The following CLPX variants were observed in gnomAD, a reference collection of about 807,000 sequenced individuals.
CLPX encodes the protein caseinolytic mitochondrial matrix peptidase chaperone subunit X, also known as ATP-dependent clpX-like chaperone, mitochondrial.
Under a neutral mutation model 76.4 loss-of-function variants are expected in CLPX, and 34 were observed. That is an observed-to-expected ratio of 0.45 (90% CI 0.34 to 0.59). CLPX has a LOEUF of 0.59. Ranked by LOEUF, CLPX falls within the 20% of genes least tolerant of loss-of-function variation. The pLI is 0.01. For missense variants in CLPX, 613 were observed against 757.0 expected, an observed-to-expected ratio of 0.81 and a Z score of 2.23; for synonymous variants, 248 against 270.9, an observed-to-expected ratio of 0.92 and a Z score of 0.83.
At chr15:65,154,694 A>T in intron 11 of CLPX, 88 bp downstream of exon 11, 2 of 987,480 alleles carry the variant, frequency 2.0e-6, no homozygotes, top group South Asian at 3.4e-5. Context: ...AGATGAGCAG[A>T]ATTTGTTTTT....
intron 6 of CLPX, among the ~76,000 whole-genome samples, chr15:65,161,437 C>A (rs949021881): frequency 1.3e-5 from 2 of 152,028 alleles, no homozygotes; most frequent in Admixed American, 1.3e-4. Flanking sequence ...ACTTAAAATC[C>A]CATGTAAAAC....
chr15:65,152,542 G>T lies in CLPX; in HGVS notation c.1705-6C>A, dbSNP rs369530341. ...GGTTCTAGTAACAGCTTTTCCTAAA[G>T]AAATAAAAAGTAATGAATCACATTG... On this transcript the variant is annotated splice_polypyrimidine_tract_variant and splice_region_variant and intron_variant, in intron 12 of 13. Coordinates refer to ENST00000300107, the MANE Select transcript of CLPX (RefSeq NM_006660.5). The T allele has an allele frequency of 7.6e-6, 11 of 1,448,468 alleles. No homozygotes were observed. The African/African-American group carries it at 1.3e-4, about 17-fold the overall frequency. The allele number at this position is 1,448,468 out of a possible 1,614,324, so 89.7% of individuals were successfully genotyped here.
chr15:65,154,258 C>T (rs2087759958), intron 11 of CLPX, among the ~76,000 whole-genome samples: 1 of 151,938 alleles, frequency 6.6e-6, no homozygotes, highest in African/African-American at 2.4e-5. Flanking sequence ...ATGCATGGGT[C>T]AAGGTGAATA....
chr15:65,149,311 TAAAAATACA>T lies in CLPX; in HGVS notation c.*1503_*1511del, dbSNP rs1024261404. Reference sequence around the variant, plus strand: ...CAACATGGCGAAACCCCGTCTCTACTAAAAATACAAAAAATTAGCCAGGTGTGGTGGTGC... The same window carrying T: ...CAACATGGCGAAACCCCGTCTCTACTAAAAATTAGCCAGGTGTGGTGGTGC... On this transcript the variant is annotated 3_prime_UTR_variant, in exon 14 of 14. Transcript: ENST00000300107. 1 of 176,210 alleles carries T rather than the reference TAAAAATACA, an allele frequency of 5.7e-6. No individual in the cohort carries two copies. The highest frequency in any genetic ancestry group is 2.4e-5 in the African/African-American group (1 of 41,760). 10.9% of individuals were successfully genotyped at this position (176,210 alleles called of 1,614,324 possible). A position where few individuals can be genotyped will look rare whatever the true frequency, so the allele number is the denominator to read the frequency against.
At chr15:65,176,542 A>G (rs1484067361) in intron 3 of CLPX, among the ~76,000 whole-genome samples, 2 of 151,890 alleles carry the variant, frequency 1.3e-5, no homozygotes, top group Non-Finnish European at 2.9e-5. Context: ...TTTATTAAAT[A>G]TTAGTTTCTT....
At position 65,166,144 on chromosome 15, in the gene CLPX, C is replaced by T. The variant is rs142375041; in HGVS notation, c.513+487G>A. 1.7e-3 allele frequency among the ~76,000 whole-genome samples: 265 copies of T among 152,294 alleles called. 2 individuals are homozygous for T. Among genetic ancestry groups the T allele is most frequent in the African/African-American group, 6.2e-3 (257 of 41,548 alleles). ...ACACTACCAAAGCCACAGTGCTATA[C>T]GGAGCAGCCCGGCACACTGGCTATG... On this transcript the variant is annotated intron_variant, in intron 4 of 13. Transcript: ENST00000300107.
At chr15:65,158,321 CTAT>C in intron 7 of CLPX, 1 of 386,516 alleles carries the variant, frequency 2.6e-6, no homozygotes. Context: ...TACATCCGAT[CTAT>C]TATTATTTAG....
At chr15:65,180,489 T>G (rs2088151715) in intron 1 of CLPX, among the ~76,000 whole-genome samples, 1 of 152,216 alleles carries the variant, frequency 6.6e-6, no homozygotes, top group Non-Finnish European at 1.5e-5. Flanking sequence ...AAAGTTTGAA[T>G]GGACTTCAAC....
chr15:65,181,376 A>G (rs2088168744), intron 1 of CLPX, among the ~76,000 whole-genome samples: 1 of 152,182 alleles, frequency 6.6e-6, no homozygotes, highest in South Asian at 2.1e-4. Context: ...ATGGTTGCAC[A>G]GTATCAATGT....
At chr15:65,166,540 T>A in intron 4 of CLPX, 91 bp downstream of exon 4, 1 of 1,263,396 alleles carries the variant, frequency 7.9e-7, no homozygotes, top group Non-Finnish European at 1.1e-6. Flanking sequence ...GTTTATATAC[T>A]AGTATTAGGA....
Position 65,185,184 on chromosome 15 carries a change from CCT to C in CLPX, c.-33_-32del. 1 of 1,533,050 alleles carries C rather than the reference CCT, an allele frequency of 6.5e-7. No homozygotes were observed. Among genetic ancestry groups the C allele is most frequent in the Non-Finnish European group, 8.8e-7 (1 of 1,130,964 alleles). The allele number at this position is 1,533,050 out of a possible 1,614,324, so 95.0% of individuals were successfully genotyped here. A position where few individuals can be genotyped will look rare whatever the true frequency, so the allele number is the denominator to read the frequency against. ...CGAGGCCTAGGCCGGGGCTTCGCCC[CCT>C]GAGGACCTCCGGGTCACAGCGGCGT... On this transcript the variant is annotated 5_prime_UTR_variant, in exon 1 of 14. Coordinates refer to ENST00000300107, the MANE Select transcript of CLPX (RefSeq NM_006660.5).
At chr15:65,181,196 C>T (rs1161350089) in intron 1 of CLPX, among the ~76,000 whole-genome samples, 1 of 150,138 alleles carries the variant, frequency 6.7e-6, no homozygotes, top group Non-Finnish European at 1.5e-5. Flanking sequence ...GAGACTCTGT[C>T]TCAAAAAAAA....
chr15:65,184,806 C>T (rs547641037), intron 1 of CLPX, among the ~76,000 whole-genome samples: 65 of 152,380 alleles, frequency 4.3e-4, no homozygotes, highest in African/African-American at 1.5e-3. Flanking sequence ...TACAAAGTGG[C>T]CGCATTCCGG....
chr15:65,159,593 G>A (rs2087828296), intron 6 of CLPX, among the ~76,000 whole-genome samples: 1 of 151,886 alleles, frequency 6.6e-6, no homozygotes, highest in South Asian at 2.1e-4. Flanking sequence ...CTGGGCAACA[G>A]AGTAAGACTC....
At chr15:65,157,660 C>T in intron 8 of CLPX, 86 bp downstream of exon 8, 1 of 1,275,852 alleles carries the variant, frequency 7.8e-7, no homozygotes, top group African/African-American at 1.5e-5. Flanking sequence ...TAGTCCTTGA[C>T]TCAAAACAAG....
At chr15:65,160,619 T>TCA (rs1241366233) in intron 6 of CLPX, among the ~76,000 whole-genome samples, 26 of 132,736 alleles carry the variant, frequency 2.0e-4, no homozygotes, top group Middle Eastern at 3.6e-3. Flanking sequence ...TCTCTCTCTC[T>TCA]CTCTCACACA....
intron 4 of CLPX, among the ~76,000 whole-genome samples, chr15:65,164,420 T>C (rs1566981830): frequency 6.6e-6 from 1 of 152,250 alleles, no homozygotes; most frequent in Non-Finnish European, 1.5e-5. Context: ...TGTACTCTAC[T>C]AGTGTTGTGC....
chr15:65,168,499 C>A (rs1451524113), intron 3 of CLPX, among the ~76,000 whole-genome samples: 1 of 140,686 alleles, frequency 7.1e-6, no homozygotes, highest in Admixed American at 7.7e-5. Flanking sequence ...ATCGCAAGGA[C>A]AGAAAACCAA....
Position 65,155,785 on chromosome 15 carries a change from T to C in CLPX, c.1218A>G (p.Glu406=), listed in dbSNP as rs2087782669. ...TGTTTGTTGTATCAACTTGAACTGT[T>C]TCTCCACGGAGCTTTCGGGAATTCT... ...PEKNSRKLRG[E]TVQVDTTNIL... Residue 406 remains glutamate (E), a synonymous_variant, in exon 10 of 14, where the codon GAA becomes GAG. Coordinates refer to ENST00000300107, the MANE Select transcript of CLPX (RefSeq NM_006660.5). The C allele has an allele frequency of 1.2e-6, 2 of 1,614,102 alleles. No individual in the cohort carries two copies. The highest frequency in any genetic ancestry group is 1.7e-6 in the Non-Finnish European group (2 of 1,179,956).
Sources: allele counts gnomAD v4.1 joint callset (sites outside exome capture counted in the v4.1 genomes callset), GRCh38; gene constraint gnomAD v4.1.1; transcripts MANE v1.5; gene names NCBI Gene and HGNC (gene_info 2026-07-23, HGNC 2026-07-21).